SPIDR: variants seen among roughly 807,000 people sequenced by gnomAD.
SPIDR encodes the protein scaffold protein involved in DNA repair.
A neutral mutation model predicts 104.6 loss-of-function variants in SPIDR; 93 were observed. The observed-to-expected ratio is 0.89, with a 90% CI of 0.75 to 1.06. The LOEUF (loss-of-function observed/expected upper bound fraction) is 1.06, where lower values mean the gene tolerates loss of function less well. Among genes scored for constraint, SPIDR ranks in the 50% least tolerant of loss-of-function variants. The pLI, the probability that SPIDR is intolerant of heterozygous loss-of-function variation, is 0.00. For synonymous variants in SPIDR, 431 were observed against 416.9 expected (o/e 1.03, Z -0.41); for missense variants, 1,154 against 1,111.2 (o/e 1.04, Z -0.55).
intron 8 of SPIDR, among the ~76,000 whole-genome samples, chr8:47,443,864 T>C (rs2154345116): frequency 6.6e-6 from 1 of 152,160 alleles, no homozygotes; most frequent in South Asian, 2.1e-4. Flanking sequence ...CCCGAGGAGC[T>C]CAGAGCCCTC....
intron 10 of SPIDR, among the ~76,000 whole-genome samples, chr8:47,658,816 A>G (rs1018903845): frequency 6.6e-6 from 1 of 150,650 alleles, no homozygotes; most frequent in Non-Finnish European, 1.5e-5. Flanking sequence ...GGCACCTGTA[A>G]TCCCAGCTAC....
intron 8 of SPIDR, among the ~76,000 whole-genome samples, chr8:47,551,521 G>A (rs368183287): frequency 6.6e-6 from 1 of 152,026 alleles, no homozygotes; most frequent in Non-Finnish European, 1.5e-5. Context: ...GTCCAGGAAT[G>A]TATCCATTTC....
intron 7 of SPIDR, among the ~76,000 whole-genome samples, chr8:47,413,477 G>A (rs1588384851): frequency 1.3e-5 from 2 of 152,218 alleles, no homozygotes; most frequent in Admixed American, 6.5e-5. Flanking sequence ...TCCTCTGCCA[G>A]TTTCCTCTTG....
At chr8:47,433,522 A>G (rs568196084) in intron 7 of SPIDR, among the ~76,000 whole-genome samples, 1 of 152,316 alleles carries the variant, frequency 6.6e-6, no homozygotes, top group Non-Finnish European at 1.5e-5. Context: ...CTGTTCTCTA[A>G]AAAGCTGTAG....
intron 8 of SPIDR, among the ~76,000 whole-genome samples, chr8:47,461,216 T>C (rs1554713298): frequency 6.6e-6 from 1 of 152,234 alleles, no homozygotes; most frequent in Non-Finnish European, 1.5e-5. Flanking sequence ...GGGAAGTTTT[T>C]CTCAATTATT....
chr8:47,714,158 T>C lies in SPIDR; in HGVS notation c.2341+517T>C, dbSNP rs1000153782. Among the ~76,000 whole-genome samples, 5 of 152,104 alleles carry C rather than the reference T, an allele frequency of 3.3e-5. No homozygotes were observed. The South Asian group carries it at 8.3e-4, about 25-fold the overall frequency. On this transcript the variant is annotated intron_variant, in intron 16 of 19. Transcript: ENST00000297423. ...GTGGTGTCAGGAGTGTGTTCTGTCA[T>C]TGGTACAGGCGGCCTGGTCTGATGT...
chr8:47,352,345 G>C (rs1413651817), intron 5 of SPIDR, among the ~76,000 whole-genome samples: 2 of 152,028 alleles, frequency 1.3e-5, no homozygotes, highest in African/African-American at 4.8e-5. Context: ...CTGGAGTCTA[G>C]GCTGTAAAAT....
intron 8 of SPIDR, among the ~76,000 whole-genome samples, chr8:47,452,318 T>A (rs933081118): frequency 9.2e-5 from 14 of 152,148 alleles, no homozygotes; most frequent in Non-Finnish European, 2.1e-4. Flanking sequence ...AGCACTGGGA[T>A]GATGTATTTA....
intron 5 of SPIDR, among the ~76,000 whole-genome samples, chr8:47,393,050 G>A (rs782812235): frequency 4.6e-5 from 7 of 151,896 alleles, no homozygotes; most frequent in Non-Finnish European, 8.8e-5. Flanking sequence ...TCCAGCCCTC[G>A]TGCCTTCACA....
At chr8:47,566,632 G>A (rs564841520) in intron 8 of SPIDR, among the ~76,000 whole-genome samples, 9 of 151,410 alleles carry the variant, frequency 5.9e-5, no homozygotes, top group East Asian at 1.9e-4. Flanking sequence ...TCGCTCTGTC[G>A]CACAGGCTAG....
chr8:47,647,317 T>A (rs892851870), intron 10 of SPIDR, among the ~76,000 whole-genome samples: 1 of 152,050 alleles, frequency 6.6e-6, no homozygotes, highest in Non-Finnish European at 1.5e-5. Flanking sequence ...CCAATAGATA[T>A]AATGTAAGAA....
intron 19 of SPIDR, among the ~76,000 whole-genome samples, chr8:47,730,488 G>A (rs1466226413): frequency 6.6e-6 from 1 of 152,248 alleles, no homozygotes; most frequent in Non-Finnish European, 1.5e-5. Flanking sequence ...CACGCTGGAA[G>A]GGAGTGTGGT....
intron 1 of SPIDR, among the ~76,000 whole-genome samples, chr8:47,263,331 G>T (rs1251412646): frequency 3.9e-5 from 6 of 152,140 alleles, no homozygotes; most frequent in African/African-American, 1.4e-4. Context: ...CCCCTTGGTG[G>T]TAATTGCGTA....
intron 8 of SPIDR, among the ~76,000 whole-genome samples, chr8:47,589,528 A>C (rs2060736492): frequency 6.6e-6 from 1 of 151,234 alleles, no homozygotes; most frequent in Non-Finnish European, 1.5e-5. Context: ...CCATCTCAAA[A>C]CAAAAAAAAA....
In SPIDR at chr8:47,440,496, T is replaced by C; in HGVS notation, c.1051T>C (p.Tyr351His). The change falls in exon 8 of 20, where the codon TAC (tyrosine) becomes CAC (histidine). Residue 351 changes from tyrosine to histidine, a missense_variant. Transcript: ENST00000297423. The stretch of plus-strand genomic sequence containing the variant: ...TCTCTTCACCAAGGAGACTGCAGGC[T>C]ACCTCAGGGGCCGTCCCCAGGACAC... ...KVLFTKETAGYLRGRPQDTVR... is the reference protein window; with the variant it reads ...KVLFTKETAGHLRGRPQDTVR... The C allele has an allele frequency of 6.2e-7, 1 of 1,614,212 alleles. No homozygotes were observed. Among genetic ancestry groups the C allele is most frequent in the Non-Finnish European group, 8.5e-7 (1 of 1,180,020 alleles).
At chr8:47,544,975 ATTC>A (rs1028944660) in intron 8 of SPIDR, among the ~76,000 whole-genome samples, 21 of 151,984 alleles carry the variant, frequency 1.4e-4, no homozygotes, top group African/African-American at 4.3e-4. Context: ...CATTTGTATG[ATTC>A]TTCTTTTATT....
chr8:47,325,579 G>A (rs2047520001), intron 5 of SPIDR, among the ~76,000 whole-genome samples: 2 of 152,106 alleles, frequency 1.3e-5, no homozygotes, highest in South Asian at 4.1e-4. Context: ...ATTTTGGAAG[G>A]AATTTACTTA....
At chr8:47,584,043 G>T (rs1179918177) in intron 8 of SPIDR, among the ~76,000 whole-genome samples, 1 of 152,174 alleles carries the variant, frequency 6.6e-6, no homozygotes, top group Non-Finnish European at 1.5e-5. Context: ...CCTGGAGATG[G>T]ATTTCAAGAT....
chr8:47,523,276 G>A (rs2084452707), intron 8 of SPIDR, among the ~76,000 whole-genome samples: 2 of 151,918 alleles, frequency 1.3e-5, no homozygotes, highest in Admixed American at 6.6e-5. Context: ...AACCTATTTC[G>A]TTTTACTTGA....
Sources: allele counts gnomAD v4.1 joint callset (sites outside exome capture counted in the v4.1 genomes callset), GRCh38; gene constraint gnomAD v4.1.1; transcripts MANE v1.5; gene names NCBI Gene and HGNC (gene_info 2026-07-23, HGNC 2026-07-21).